ESPNL: variants seen among roughly 807,000 people sequenced by gnomAD.
ESPNL encodes espin like.
A neutral mutation model predicts 46.8 loss-of-function variants in ESPNL; 49 were observed. That is an observed-to-expected ratio of 1.05 (90% CI 0.83 to 1.33). ESPNL has a LOEUF of 1.33. ESPNL is among the 40% of genes most tolerant of loss of function. The pLI is 0.00. For synonymous variants in ESPNL, 664 were observed against 662.1 expected, an observed-to-expected ratio of 1.00 and a Z score of -0.04; for missense variants, 1,540 against 1,436.6, an observed-to-expected ratio of 1.07 and a Z score of -1.16.
chr2:238,113,779 G>C (rs1381112720), intron 4 of ESPNL, among the ~76,000 whole-genome samples: 1 of 152,140 alleles, frequency 6.6e-6, no homozygotes, highest in Non-Finnish European at 1.5e-5. Flanking sequence ...GTCAACCAGA[G>C]CCCCCACCCC....
At position 238,130,943 on chromosome 2, in the gene ESPNL, G is replaced by C; in HGVS notation, c.2229G>C (p.Met743Ile). 1 of 1,549,894 alleles carries C rather than the reference G, an allele frequency of 6.5e-7. No individual in the cohort carries two copies. The highest frequency in any genetic ancestry group is 1.4e-5 in the African/African-American group (1 of 73,374). The change falls in exon 9 of 9, where the codon ATG becomes ATC. Residue 743 changes from methionine (M) to isoleucine (I), a missense_variant. By Grantham distance (10) the Met-to-Ile change is conservative (BLOSUM62 1). Transcript: ENST00000343063. The stretch of plus-strand genomic sequence containing the variant: ...GCCTGCGCAAGGAGCGCATCATCAT[G>C]CTCTTCCTCAGCCACTGGAGGAGAT... Reference protein sequence around the residue: ...LASLRKERIIMLFLSHWRRSA... With the variant: ...LASLRKERIIILFLSHWRRSA...
Position 238,130,547 on chromosome 2 carries a change from T to TG in ESPNL, c.1836dup (p.Leu613AlafsTer6). 2 of 1,589,454 alleles carry TG rather than the reference T, an allele frequency of 1.3e-6. No homozygotes were observed. The highest frequency in any genetic ancestry group is 1.7e-6 in the Non-Finnish European group (2 of 1,168,498). On this transcript the variant is annotated frameshift_variant, in exon 9 of 9. Transcript: ENST00000343063. LOFTEE classifies it low-confidence loss of function (END_TRUNC). ...TGTCCCTGCTGCTGAAGGGCGTGCA[T>TG]GGGCTAGTACAGGGGGATGAGAAGC... is the stretch of plus-strand genomic sequence containing the variant.
rs1489095293 is a variant in ESPNL at position 238,127,134 on chromosome 2, TG to T, written c.1103-487del. On this transcript the variant is annotated intron_variant, in intron 6 of 8. Transcript: ENST00000343063. ...TGATGTGATTGTGTCTGTGTCTGTG[TG>T]ATTGTGTCTGTGTTGTGTGTATGTG... Among the ~76,000 whole-genome samples, 6 of 151,722 alleles carry T rather than the reference TG, an allele frequency of 4.0e-5. No individual in the cohort carries two copies. In the East Asian group the frequency reaches 1.2e-3, roughly 30 times the overall value.
Position 238,101,843 on chromosome 2 carries a change from T to G in ESPNL, c.295-98T>G, listed in dbSNP as rs887114690. The G allele has an allele frequency of 1.8e-4, 154 of 832,534 alleles. 2 individuals are homozygous for G. The highest frequency in any genetic ancestry group is 1.6e-3 in the African/African-American group (98 of 59,560). The allele number at this position is 832,534 out of a possible 1,614,324, so 51.6% of individuals were successfully genotyped here. On this transcript the variant is annotated intron_variant, in intron 1 of 8. Transcript: ENST00000343063. ...GGAGCTGGAAGCCCCTTCACTGGGT[T>G]GCAGGCAGTGTGAGCCCTCGCCCAG...
chr2:238,107,360 C>A (rs1017812256), intron 3 of ESPNL, among the ~76,000 whole-genome samples: 1 of 152,196 alleles, frequency 6.6e-6, no homozygotes, highest in African/African-American at 2.4e-5. Flanking sequence ...CCACAGGACC[C>A]GCTGCTCCAG....
At chr2:238,129,253 G>A in intron 8 of ESPNL, 1 of 1,201,560 alleles carries the variant, frequency 8.3e-7, no homozygotes, top group Non-Finnish European at 1.0e-6. Context: ...TGTGTGGGGT[G>A]CGATTCCCAC....
rs965669052 is a variant in ESPNL at position 238,114,269 on chromosome 2, C to A, written c.856-2634C>A. On this transcript the variant is annotated intron_variant, in intron 4 of 8. Coordinates refer to ENST00000343063, the MANE Select transcript of ESPNL (RefSeq NM_194312.4). This position sits in a 1 kb window ranked among gnomAD's most constrained non-coding sequence, Gnocchi z 5.0. ...TCTGTTCCTATCAGGGCTTTGCCCTCTCTCCCCAGCACCATTTGGGGCCAG... is the reference window on the plus strand; with the variant it reads ...TCTGTTCCTATCAGGGCTTTGCCCTATCTCCCCAGCACCATTTGGGGCCAG... 2.0e-5 allele frequency among the ~76,000 whole-genome samples: 3 copies of A among 152,292 alleles called. No homozygotes were observed. The South Asian group carries it at 6.2e-4, about 32-fold the overall frequency.
In ESPNL at chr2:238,131,280, G is replaced by T; in HGVS notation, c.2566G>T (p.Asp856Tyr). 6.3e-7 allele frequency: 1 copy of T among 1,580,500 alleles called. No homozygotes were observed. Among genetic ancestry groups the T allele is most frequent in the Non-Finnish European group, 8.6e-7 (1 of 1,164,874 alleles). Residue 856 changes from aspartate (D) to tyrosine (Y), a missense_variant, in exon 9 of 9, where the codon GAT (aspartate) becomes TAT (tyrosine). Asp to Tyr is a radical substitution (Grantham distance 160). Transcript: ENST00000343063. The part of the protein sequence containing the change: ...APVPYSSLSL[D>Y]LFMLGYFQLL... ...GGTGCCCTACAGCAGCCTCTCACTG[G>T]ATCTCTTCATGCTGGGTTACTTCCA...
chr2:238,133,251 A>G lies in ESPNL; in HGVS notation c.*1519A>G, dbSNP rs1175160133. 2 of 152,242 alleles carry G rather than the reference A, an allele frequency of 1.3e-5. 1 individual carries two copies. The highest frequency in any genetic ancestry group is 3.8e-4 in the East Asian group (2 of 5,198). The allele number at this position is 152,242 out of a possible 1,614,324, so 9.4% of individuals were successfully genotyped here. On this transcript the variant is annotated 3_prime_UTR_variant, in exon 9 of 9. Transcript: ENST00000343063. ...CCCTGCTGTAGAGCTGAAGCTGAAC[A>G]TGTGTTTGCTAAATAAAGATTCCCA...
chr2:238,109,655 C>G (rs770728638), intron 4 of ESPNL, among the ~76,000 whole-genome samples: 2 of 152,252 alleles, frequency 1.3e-5, no homozygotes, highest in African/African-American at 2.4e-5. Context: ...CTATGCCCAG[C>G]CTTTTCCTCC....
At chr2:238,108,202 G>A (rs764830003) in intron 4 of ESPNL, among the ~76,000 whole-genome samples, 13 of 152,176 alleles carry the variant, frequency 8.5e-5, no homozygotes, top group East Asian at 1.9e-4. Context: ...CCCTCCCTTC[G>A]CGCAGAAACT....
chr2:238,107,989 GGGAGA>G lies in ESPNL; in HGVS notation c.855+17_855+21del. The G allele has an allele frequency of 6.2e-7, 1 of 1,600,400 alleles. No homozygotes were observed. Among genetic ancestry groups the G allele is most frequent in the Non-Finnish European group, 8.5e-7 (1 of 1,172,772 alleles). On this transcript the variant is annotated intron_variant, in intron 4 of 8. Coordinates refer to ENST00000343063, the MANE Select transcript of ESPNL (RefSeq NM_194312.4). The stretch of plus-strand genomic sequence containing the variant: ...GCAGATGGAGGTAAGGTGGGCGTGA[GGGAGA>G]CAGGGTGAGCAGTCACAAGTGCCAG...
At chr2:238,108,266 T>C (rs1691643022) in intron 4 of ESPNL, among the ~76,000 whole-genome samples, 1 of 152,212 alleles carries the variant, frequency 6.6e-6, no homozygotes, top group South Asian at 2.1e-4. Context: ...AGAACAGCCC[T>C]TGGGGCGGAC....
intron 5 of ESPNL, among the ~76,000 whole-genome samples, chr2:238,118,677 GGAGA>G (rs1691888672): frequency 6.9e-6 from 1 of 145,272 alleles, no homozygotes; most frequent in African/African-American, 2.6e-5. Flanking sequence ...GGATGGAGGA[GGAGA>G]GATGGAGGAG....
At chr2:238,107,249 C>T (rs896333073) in intron 3 of ESPNL, among the ~76,000 whole-genome samples, 26 of 152,314 alleles carry the variant, frequency 1.7e-4, no homozygotes, top group Non-Finnish European at 2.9e-4. Context: ...CAGATGAGGC[C>T]CCAGAGGCAG....
At position 238,116,998 on chromosome 2, in the gene ESPNL, G is replaced by A. The variant is rs1403281449; in HGVS notation, c.951G>A (p.Arg317=). 2 of 1,612,360 alleles carry A rather than the reference G, an allele frequency of 1.2e-6. No individual in the cohort carries two copies. The highest frequency in any genetic ancestry group is 2.2e-5 in the South Asian group (2 of 91,046). ...AADLAEYHGH[R]DCAQYLREVA... The stretch of plus-strand genomic sequence containing the variant: ...ACCTGGCGGAGTACCATGGACACCG[G>A]GACTGCGCCCAGTACCTGCGGGAGG... Residue 317 remains arginine (R), a synonymous_variant, in exon 5 of 9, where the codon CGG becomes CGA. Coordinates refer to ENST00000343063, the MANE Select transcript of ESPNL (RefSeq NM_194312.4).
At chr2:238,121,769 C>T (rs989285301) in intron 5 of ESPNL, among the ~76,000 whole-genome samples, 10 of 152,230 alleles carry the variant, frequency 6.6e-5, no homozygotes, top group African/African-American at 2.4e-4. Context: ...GGTGGGCCCT[C>T]CGGACAGGTG....
Position 238,128,751 on chromosome 2 carries a change from C to A in ESPNL, c.1260C>A (p.Ala420=). The A allele has an allele frequency of 6.3e-7, 1 of 1,599,870 alleles. No homozygotes were observed. Among genetic ancestry groups the A allele is most frequent in the Non-Finnish European group, 8.5e-7 (1 of 1,174,132 alleles). ...ALAGDTSDGL[A]ALQLDGLPSG... The stretch of plus-strand genomic sequence containing the variant: ...CGGGGGACACCTCAGATGGCCTGGC[C>A]GCACTACAGCTGGATGGGCTGCCCT... The change falls in exon 8 of 9, where the codon GCC becomes GCA. Residue 420 remains alanine (A), a synonymous_variant. Transcript: ENST00000343063.
At chr2:238,120,875 G>A (rs1202854576) in intron 5 of ESPNL, among the ~76,000 whole-genome samples, 3 of 152,228 alleles carry the variant, frequency 2.0e-5, no homozygotes, top group Middle Eastern at 3.2e-3. Context: ...GGCCGCCTCC[G>A]AGCTGGCCTC....
Sources: gnomAD v4.1 joint callset for allele counts (sites outside exome capture counted in the v4.1 genomes callset) on GRCh38, gnomAD v4.1.1 for gene constraint, Gnocchi (gnomAD v3.1) non-coding constraint, MANE v1.5 for transcripts, NCBI Gene and HGNC (gene_info 2026-07-23, HGNC 2026-07-21) for gene names.